CRYBA4: variants seen among roughly 807,000 people sequenced by gnomAD.
The protein encoded by CRYBA4 is beta-crystallin A4.
In CRYBA4, 30 loss-of-function variants were observed where a neutral mutation model predicts 31.7. That is an observed-to-expected ratio of 0.95 (90% confidence interval 0.71 to 1.28). CRYBA4 has a LOEUF of 1.28. CRYBA4 is among the 50% of genes most tolerant of loss of function. The pLI, the probability that CRYBA4 is intolerant of heterozygous loss-of-function variation, is 0.00. For missense variants in CRYBA4, 225 were observed against 260.7 expected, an observed-to-expected ratio of 0.86 and a Z score of 0.94; for synonymous variants, 102 against 102.3, an observed-to-expected ratio of 1.00 and a Z score of 0.02.
At chr22:26,601,082 G>T in the CRYBA4 span, among the ~76,000 whole-genome samples, 2 of 152,182 alleles carry the variant, frequency 1.3e-5, no homozygotes, top group African/African-American at 4.8e-5. Context: ...GAATGGCAGG[G>T]ATATAGGTTT....
the CRYBA4 span, chr22:26,599,634 C>G: frequency 6.2e-7 from 1 of 1,614,208 alleles, no homozygotes; most frequent in Middle Eastern, 1.6e-4. Context: ...CTAGGAGGTA[C>G]TGGTACCCGC....
At chr22:26,623,496 G>A (rs897051724) in intron 3 of CRYBA4, 144 bp downstream of exon 3, 3 of 672,844 alleles carry the variant, frequency 4.5e-6, no homozygotes, top group Admixed American at 2.5e-5. Flanking sequence ...GAGTGTGCAG[G>A]ACTGCCATGT....
the CRYBA4 span, among the ~76,000 whole-genome samples, chr22:26,609,122 C>T: frequency 3.3e-5 from 5 of 152,106 alleles, no homozygotes; most frequent in Non-Finnish European, 5.9e-5. Context: ...AAAAAAGAGA[C>T]GGATGAGGGG....
chr22:26,620,824 A>T (rs1429053739), upstream of CRYBA4, among the ~76,000 whole-genome samples: 1 of 152,070 alleles, frequency 6.6e-6, no homozygotes, highest in Non-Finnish European at 1.5e-5. Context: ...CGGCCTCCCA[A>T]AGTGCTGAGA....
At chr22:26,600,691 A>G in the CRYBA4 span, among the ~76,000 whole-genome samples, 1 of 152,258 alleles carries the variant, frequency 6.6e-6, no homozygotes, top group Non-Finnish European at 1.5e-5. Flanking sequence ...AGTTATCATC[A>G]GTGATTAATT....
chr22:26,611,354 T>G, the CRYBA4 span, among the ~76,000 whole-genome samples: 5 of 152,208 alleles, frequency 3.3e-5, no homozygotes, highest in Non-Finnish European at 7.3e-5. Flanking sequence ...CCACAGATGC[T>G]TATCATTACT....
At chr22:26,593,612 G>A in the CRYBA4 span, among the ~76,000 whole-genome samples, 1 of 150,132 alleles carries the variant, frequency 6.7e-6, no homozygotes, top group Non-Finnish European at 1.5e-5. Context: ...TGCAACCTCC[G>A]CCTCCTGGGT....
upstream of CRYBA4, chr22:26,621,941 G>A (rs543408516): frequency 1.1e-3 from 1,121 of 985,506 alleles, 1 homozygote; most frequent in Non-Finnish European, 1.3e-3. Flanking sequence ...ATAAGAGCCC[G>A]ACCTCGGCTG....
chr22:26,612,246 A>G, the CRYBA4 span: 2 of 1,155,652 alleles, frequency 1.7e-6, no homozygotes, highest in East Asian at 2.3e-5. Flanking sequence ...TCAAAAATTC[A>G]TTAAGTATCT....
the CRYBA4 span, among the ~76,000 whole-genome samples, chr22:26,605,539 C>T: frequency 4.0e-4 from 61 of 151,866 alleles, no homozygotes; most frequent in African/African-American, 1.3e-3. Flanking sequence ...CTGGGCGTGG[C>T]GGTGCACACC....
the CRYBA4 span, chr22:26,608,079 A>G: frequency 6.2e-7 from 1 of 1,612,698 alleles, no homozygotes; most frequent in Non-Finnish European, 8.5e-7. Context: ...AGAAGCCCCC[A>G]CTCCCTACTT....
In CRYBA4 at chr22:26,630,165, G is replaced by A. The variant is rs145675577; in HGVS notation, c.444-175G>A. On this transcript the variant is annotated intron_variant, in intron 5 of 5. Coordinates refer to ENST00000354760, the MANE Select transcript of CRYBA4 (RefSeq NM_001886.3). Reference sequence around the variant, plus strand: ...AGGCTGGGATGGTGCTTCTGGCAAAGGGAATGGCATGATCAAAGGCCCTGT... The same window carrying A: ...AGGCTGGGATGGTGCTTCTGGCAAAAGGAATGGCATGATCAAAGGCCCTGT... Among the ~76,000 whole-genome samples, 247 of 152,354 alleles carry A rather than the reference G, an allele frequency of 1.6e-3. 1 individual carries two copies. The highest frequency in any genetic ancestry group is 2.6e-3 in the Non-Finnish European group (177 of 68,036).
chr22:26,590,227 C>T, the CRYBA4 span: 1 of 150,666 alleles, frequency 6.6e-6, no homozygotes, highest in Non-Finnish European at 1.5e-5. Flanking sequence ...TCCACTGCGC[C>T]TCGGGACCGC....
the CRYBA4 span, among the ~76,000 whole-genome samples, chr22:26,612,927 AT>A: frequency 6.6e-6 from 1 of 151,980 alleles, no homozygotes; most frequent in South Asian, 2.1e-4. Flanking sequence ...TCCTCTCCCC[AT>A]TAGCAGCACA....
the CRYBA4 span, chr22:26,607,968 T>G: frequency 1.2e-6 from 2 of 1,614,208 alleles, no homozygotes; most frequent in Non-Finnish European, 1.7e-6. Context: ...GTACTCGCCC[T>G]TCTCCAGGAT....
At chr22:26,630,302 T>A in intron 5 of CRYBA4, 38 bp from the exon 6 acceptor site, 3 of 1,613,532 alleles carry the variant, frequency 1.9e-6, no homozygotes, top group Non-Finnish European at 2.5e-6. Context: ...CATGCTGGTG[T>A]CTCTGTAGAG....
At chr22:26,612,947 AC>A in the CRYBA4 span, among the ~76,000 whole-genome samples, 1 of 152,050 alleles carries the variant, frequency 6.6e-6, no homozygotes, top group Non-Finnish European at 1.5e-5. Context: ...CAACTAACCC[AC>A]CACACAGTCA....
upstream of CRYBA4, among the ~76,000 whole-genome samples, chr22:26,619,250 G>A (rs1929457604): frequency 6.6e-6 from 1 of 152,166 alleles, no homozygotes. Flanking sequence ...AGAGGCACAG[G>A]GGACATGGAC....
the CRYBA4 span, among the ~76,000 whole-genome samples, chr22:26,596,939 C>G: frequency 3.3e-5 from 5 of 152,284 alleles, no homozygotes; most frequent in African/African-American, 1.2e-4. Context: ...TAGTTCTTTC[C>G]AACTTCTAAC....
Sources: gnomAD v4.1 joint callset for allele counts (sites outside exome capture counted in the v4.1 genomes callset) on GRCh38, gnomAD v4.1.1 for gene constraint, MANE v1.5 for transcripts, NCBI Gene and HGNC (gene_info 2026-07-23, HGNC 2026-07-21) for gene names.